The following PDE3B variants were observed in gnomAD, a reference collection of about 807,000 sequenced individuals.
PDE3B encodes phosphodiesterase 3B, also known as cGMP-inhibited 3',5'-cyclic phosphodiesterase 3B.
Under a neutral mutation model 116.8 loss-of-function variants are expected in PDE3B, and 66 were observed. The ratio of observed to expected loss-of-function variants is 0.56; its 90% CI spans 0.46 to 0.69. The LOEUF is 0.69. PDE3B is among the 30% of genes least tolerant of loss of function. The probability of loss-of-function intolerance (pLI) is 0.00; values close to 1 mark genes in which losing one functional copy is unlikely to be tolerated. For missense variants in PDE3B, 1,384 were observed against 1,368.1 expected (o/e 1.01, Z -0.18); for synonymous variants, 595 against 533.6 (o/e 1.12, Z -1.59).
At chr11:14,664,515 G>A (rs561569223) in intron 1 of PDE3B, among the ~76,000 whole-genome samples, 146 of 138,050 alleles carry the variant, frequency 1.1e-3, no homozygotes, top group Middle Eastern at 7.3e-3. Context: ...TTGATAGACC[G>A]CTAACAAGAC....
At chr11:14,874,606 C>CA (rs1226673734), downstream of PDE3B, among the ~76,000 whole-genome samples, 1 of 152,118 alleles carries the variant, frequency 6.6e-6, no homozygotes, top group African/African-American at 2.4e-5. Flanking sequence ...CAATTTAAGG[C>CA]AATATTATCC....
At chr11:14,683,819 C>T (rs1427287424) in intron 1 of PDE3B, among the ~76,000 whole-genome samples, 4 of 151,866 alleles carry the variant, frequency 2.6e-5, no homozygotes, top group Non-Finnish European at 5.9e-5. Context: ...TTTGAGTTTC[C>T]CTCTAAGCAC....
At chr11:14,710,818 G>T (rs1855679588) in intron 1 of PDE3B, among the ~76,000 whole-genome samples, 1 of 152,094 alleles carries the variant, frequency 6.6e-6, no homozygotes, top group Admixed American at 6.5e-5. Flanking sequence ...TTCCAGCTTT[G>T]TGAACTAGTA....
chr11:14,810,465 A>G (rs1428552894), intron 5 of PDE3B, among the ~76,000 whole-genome samples: 4 of 151,664 alleles, frequency 2.6e-5, no homozygotes, highest in African/African-American at 4.8e-5. Context: ...ATGATTTCCA[A>G]TTTCATCCAT....
intron 1 of PDE3B, among the ~76,000 whole-genome samples, chr11:14,690,064 G>A (rs1033259058): frequency 4.6e-5 from 7 of 152,166 alleles, no homozygotes; most frequent in Non-Finnish European, 8.8e-5. Flanking sequence ...AGGAATACTG[G>A]TGTTACTCAC....
At chr11:14,660,199 G>T (rs1291291087) in intron 1 of PDE3B, among the ~76,000 whole-genome samples, 1 of 152,008 alleles carries the variant, frequency 6.6e-6, no homozygotes, top group East Asian at 1.9e-4. Context: ...ATAAGGGAGG[G>T]GAATATCCCC....
intron 2 of PDE3B, among the ~76,000 whole-genome samples, 182 bp from the exon 3 acceptor site, chr11:14,786,255 G>A (rs1033436708): frequency 4.0e-5 from 6 of 151,880 alleles, no homozygotes; most frequent in African/African-American, 9.7e-5. Flanking sequence ...AGGTAATTCA[G>A]TGTTAGTAGT....
intron 1 of PDE3B, among the ~76,000 whole-genome samples, chr11:14,679,673 G>T (rs980662288): frequency 6.6e-6 from 1 of 151,758 alleles, no homozygotes; most frequent in South Asian, 2.1e-4. Context: ...TTTTCTGCTT[G>T]TGGTTCCTGA....
At chr11:14,803,849 A>T in intron 4 of PDE3B, 95 bp from the exon 5 acceptor site, 1 of 723,572 alleles carries the variant, frequency 1.4e-6, no homozygotes, top group Non-Finnish European at 2.4e-6. Flanking sequence ...TGAATTTATG[A>T]GGATATATTT....
At position 14,644,418 on chromosome 11, in the gene PDE3B, T is replaced by C. The variant is rs763371205; in HGVS notation, c.343T>C (p.Cys115Arg). ...AAWLRTLLSV[C>R]SHSLSPLFSI... ...CTGGCTGCGGACGCTGCTGAGCGTG[T>C]GTTCGCACAGCTTGAGCCCCCTCTT... The change falls in exon 1 of 16, where the codon TGT becomes CGT. Residue 115 changes from cysteine to arginine, a missense_variant. Cys to Arg is a radical substitution (Grantham distance 180, BLOSUM62 -3). Coordinates refer to ENST00000282096, the MANE Select transcript of PDE3B (RefSeq NM_000922.4). The C allele has an allele frequency of 3.1e-6, 5 of 1,611,284 alleles. No individual in the cohort carries two copies. In the East Asian group the frequency reaches 1.1e-4, roughly 36 times the overall value.
At chr11:14,891,987 G>A in the PDE3B span, 7 of 1,613,240 alleles carry the variant, frequency 4.3e-6, no homozygotes, top group Non-Finnish European at 5.9e-6. Context: ...GTACCTCTCC[G>A]TACACCTGGC....
the PDE3B span, chr11:14,886,814 A>C: frequency 3.3e-5 from 5 of 152,316 alleles, no homozygotes; most frequent in African/African-American, 1.2e-4. Context: ...CATGGTACAC[A>C]CTACTTCAGA....
At chr11:14,694,314 T>C (rs1438936699) in intron 1 of PDE3B, among the ~76,000 whole-genome samples, 1 of 152,154 alleles carries the variant, frequency 6.6e-6, no homozygotes, top group African/African-American at 2.4e-5. Context: ...GAAGTTCTAG[T>C]ATGGATAAAA....
chr11:14,723,123 C>G lies in PDE3B; in HGVS notation c.979-48814C>G, dbSNP rs541396118. Reference sequence around the variant, plus strand: ...ACTCTTTCTCTGTTTCAGAAACTATCCTAAGCATGTTATGGACATTGTATC... The same window carrying G: ...ACTCTTTCTCTGTTTCAGAAACTATGCTAAGCATGTTATGGACATTGTATC... On this transcript the variant is annotated intron_variant, in intron 1 of 15. Coordinates refer to ENST00000282096, the MANE Select transcript of PDE3B (RefSeq NM_000922.4). Among the ~76,000 whole-genome samples the G allele has an allele frequency of 9.8e-5, 15 of 152,294 alleles. No homozygotes were observed. In the East Asian group the frequency reaches 2.9e-3, roughly 29 times the overall value.
intron 5 of PDE3B, among the ~76,000 whole-genome samples, chr11:14,808,381 T>C (rs769086772): frequency 1.3e-5 from 2 of 152,228 alleles, no homozygotes; most frequent in Non-Finnish European, 2.9e-5. Flanking sequence ...AAGAAAAATA[T>C]GTGAAACATG....
chr11:14,810,085 A>C (rs1859075407), intron 5 of PDE3B, among the ~76,000 whole-genome samples: 1 of 152,214 alleles, frequency 6.6e-6, no homozygotes, highest in African/African-American at 2.4e-5. Context: ...AAAGTATTAT[A>C]AAAGCATATA....
intron 1 of PDE3B, chr11:14,699,201 T>C (rs1182906145): frequency 6.6e-6 from 1 of 151,914 alleles, no homozygotes; most frequent in Non-Finnish European, 1.5e-5. Flanking sequence ...TTTTTCCAAA[T>C]CCACATAGTA....
chr11:14,879,905 G>GT, the PDE3B span, among the ~76,000 whole-genome samples: 4 of 151,982 alleles, frequency 2.6e-5, no homozygotes, highest in East Asian at 3.9e-4. Context: ...GACACACAGT[G>GT]TTTTTTCTCA....
At chr11:14,795,866 ATTATC>A (rs1858535755) in intron 4 of PDE3B, among the ~76,000 whole-genome samples, 2 of 151,912 alleles carry the variant, frequency 1.3e-5, no homozygotes, top group African/African-American at 4.8e-5. Context: ...AGCTCAATTC[ATTATC>A]TTATTATTAT....
Sources: allele counts gnomAD v4.1 joint callset (sites outside exome capture counted in the v4.1 genomes callset), GRCh38; gene constraint gnomAD v4.1.1; transcripts MANE v1.5; gene names NCBI Gene and HGNC (gene_info 2026-07-23, HGNC 2026-07-21).